MAGI2: variants seen among roughly 807,000 people sequenced by gnomAD.
MAGI2 encodes the protein membrane associated guanylate kinase, WW and PDZ domain containing 2, also known as membrane-associated guanylate kinase, WW and PDZ domain-containing protein 2.
In MAGI2, 35 loss-of-function variants were observed where a neutral mutation model predicts 133.3. That is an observed-to-expected ratio of 0.26 (90% CI 0.20 to 0.35). The LOEUF is 0.35. Ranked by LOEUF, MAGI2 falls within the 10% of genes least tolerant of loss-of-function variation. The pLI, the probability that MAGI2 is intolerant of heterozygous loss-of-function variation, is 1.00. For missense variants in MAGI2, 1,636 were observed against 1,863.4 expected (o/e 0.88, Z 2.25); for synonymous variants, 729 against 710.6 (o/e 1.03, Z -0.41).
intron 10 of MAGI2, among the ~76,000 whole-genome samples, chr7:78,239,002 C>T (rs1245712857): frequency 1.3e-5 from 2 of 152,086 alleles, no homozygotes; most frequent in Non-Finnish European, 2.9e-5. Context: ...GCATCAAGCA[C>T]AGCCCTGCCT....
intron 1 of MAGI2, among the ~76,000 whole-genome samples, chr7:79,439,894 G>A (rs117805969): frequency 1.3e-5 from 2 of 152,160 alleles, no homozygotes; most frequent in Non-Finnish European, 2.9e-5. Context: ...TTGAGGAGTG[G>A]TATGCATACA....
intron 1 of MAGI2, among the ~76,000 whole-genome samples, chr7:79,352,036 G>T (rs1054103024): frequency 2.6e-5 from 4 of 151,950 alleles, no homozygotes; most frequent in Non-Finnish European, 5.9e-5. Flanking sequence ...TACTTTTCCC[G>T]TAGCACTAGA....
chr7:78,163,547 T>C (rs932610455), intron 15 of MAGI2, among the ~76,000 whole-genome samples: 1 of 152,206 alleles, frequency 6.6e-6, no homozygotes, highest in African/African-American at 2.4e-5. Context: ...TCAGTGACAA[T>C]GCCTGCCAGG....
chr7:79,439,454 T>C (rs1328915290), intron 1 of MAGI2, among the ~76,000 whole-genome samples: 1 of 152,044 alleles, frequency 6.6e-6, no homozygotes, highest in African/African-American at 2.4e-5. Context: ...AGATCCACAC[T>C]CTCTATATTA....
At chr7:79,007,746 A>T (rs1807598312) in intron 1 of MAGI2, among the ~76,000 whole-genome samples, 2 of 152,134 alleles carry the variant, frequency 1.3e-5, no homozygotes, top group African/African-American at 4.8e-5. Flanking sequence ...AGATTTAGTT[A>T]AGTAGGATGG....
At chr7:78,087,857 G>T (rs559822711) in intron 20 of MAGI2, among the ~76,000 whole-genome samples, 2 of 152,202 alleles carry the variant, frequency 1.3e-5, no homozygotes, top group African/African-American at 2.4e-5. Context: ...AGACAAGCTG[G>T]TTGGAGCAAA....
At chr7:78,686,796 A>G (rs763931251) in intron 2 of MAGI2, among the ~76,000 whole-genome samples, 9 of 152,180 alleles carry the variant, frequency 5.9e-5, no homozygotes, top group Non-Finnish European at 1.3e-4. Context: ...GTAAGTCTAG[A>G]AGGCAGAAGA....
chr7:78,761,221 C>T (rs564170939), intron 2 of MAGI2, among the ~76,000 whole-genome samples: 4 of 152,276 alleles, frequency 2.6e-5, no homozygotes, highest in South Asian at 2.1e-4. Flanking sequence ...TTGTAGTAAG[C>T]GTCATTTCCC....
Position 78,730,401 on chromosome 7 carries a change from T to C in MAGI2, c.419-103162A>G, listed in dbSNP as rs372444813. 1.9e-4 allele frequency among the ~76,000 whole-genome samples: 18 copies of C among 95,652 alleles called. No individual in the cohort carries two copies. In the South Asian group the frequency reaches 7.0e-3, roughly 37 times the overall value. The allele number at this position is 95,652 out of a possible 152,430, so 62.8% of individuals were successfully genotyped here. A position where few individuals can be genotyped will look rare whatever the true frequency, so the allele number is the denominator to read the frequency against. On this transcript the variant is annotated intron_variant, in intron 2 of 21. Coordinates refer to ENST00000354212, the MANE Select transcript of MAGI2 (RefSeq NM_012301.4). ...CCTAAGTACCTTTCTTCCAAGCCAC[T>C]AATACTAAGCCAAAAAAAAAAAAAA...
At chr7:78,559,171 AAAAAGAAAAGAAAAG>A (rs56343412) in intron 3 of MAGI2, among the ~76,000 whole-genome samples, 6 of 107,556 alleles carry the variant, frequency 5.6e-5, no homozygotes, top group Admixed American at 1.2e-4. Flanking sequence ...AAAAAAAGCC[AAAAAGAAAAGAAAAG>A]AAAAGAAAAG....
In MAGI2 at chr7:78,661,594, A is replaced by G. The variant is rs370678552; in HGVS notation, c.419-34355T>C. 3.9e-5 allele frequency among the ~76,000 whole-genome samples: 6 copies of G among 151,972 alleles called. No individual in the cohort carries two copies. In the East Asian group the frequency reaches 1.2e-3, roughly 29 times the overall value. ...CTTTCGACTTTGATTCTTTCTACCC[A>G]TTCTCTCTCCTCTAGGGCTCTGTCA... On this transcript the variant is annotated intron_variant, in intron 2 of 21. Transcript: ENST00000354212.
At chr7:78,050,794 A>C (rs1811927285) in intron 21 of MAGI2, among the ~76,000 whole-genome samples, 1 of 152,186 alleles carries the variant, frequency 6.6e-6, no homozygotes, top group East Asian at 1.9e-4. Flanking sequence ...TTTTATGAGG[A>C]CTTTCTTAAT....
intron 1 of MAGI2, chr7:79,412,919 AT>A (rs1846242119): frequency 6.6e-6 from 1 of 152,290 alleles, no homozygotes; most frequent in Non-Finnish European, 1.5e-5. Context: ...ACATGTTCAC[AT>A]CTTATCAAAT....
At position 78,423,719 on chromosome 7, in the gene MAGI2, A is replaced by T. The variant is rs192304283; in HGVS notation, c.1046-54506T>A. On this transcript the variant is annotated intron_variant, in intron 6 of 21. Coordinates refer to ENST00000354212, the MANE Select transcript of MAGI2 (RefSeq NM_012301.4). ...AGGAACTTGTTGGGAACTGGAGAGT[A>T]AAGATGACTCTTGTTATGTTTTACC... Among the ~76,000 whole-genome samples, 700 of 152,290 alleles carry T rather than the reference A, an allele frequency of 4.6e-3. 14 individuals carry two copies. The highest frequency in any genetic ancestry group is 9.0e-3 in the African/African-American group (374 of 41,562).
At chr7:78,174,241 C>T (rs1480541586) in intron 14 of MAGI2, among the ~76,000 whole-genome samples, 2 of 152,120 alleles carry the variant, frequency 1.3e-5, no homozygotes, top group Non-Finnish European at 2.9e-5. Flanking sequence ...ACAGTCCTTG[C>T]CTTCGAGGAG....
chr7:78,864,589 C>A (rs1020227558), intron 2 of MAGI2, among the ~76,000 whole-genome samples: 2 of 152,182 alleles, frequency 1.3e-5, no homozygotes, highest in African/African-American at 4.8e-5. Context: ...TCCTTGTCTG[C>A]ATTCCATTTT....
intron 14 of MAGI2, among the ~76,000 whole-genome samples, chr7:78,176,055 C>G (rs1826566966): frequency 2.0e-5 from 3 of 152,108 alleles, no homozygotes; most frequent in Admixed American, 2.0e-4. Context: ...GGCAGGGAGG[C>G]TGGAGGGCTG....
chr7:78,616,365 A>C (rs1807089887), intron 3 of MAGI2: 1 of 152,204 alleles, frequency 6.6e-6, no homozygotes. Context: ...GAGAACATGA[A>C]AAAAGACAGA....
chr7:78,873,590 A>C lies in MAGI2; in HGVS notation c.418+133500T>G, dbSNP rs533586483. On this transcript the variant is annotated intron_variant, in intron 2 of 21. Coordinates refer to ENST00000354212, the MANE Select transcript of MAGI2 (RefSeq NM_012301.4). ...AGCTCAGGACTCCCACTGATTCTAC[A>C]TTATGGTTGGTTGTATAATTATTTC... Among the ~76,000 whole-genome samples, 323 of 152,198 alleles carry C rather than the reference A, an allele frequency of 2.1e-3. 3 individuals are homozygous for C. Among genetic ancestry groups the C allele is most frequent in the African/African-American group, 7.5e-3 (310 of 41,510 alleles).
Sources: gnomAD v4.1 joint callset for allele counts (sites outside exome capture counted in the v4.1 genomes callset) on GRCh38, gnomAD v4.1.1 for gene constraint, MANE v1.5 for transcripts, NCBI Gene and HGNC (gene_info 2026-07-23, HGNC 2026-07-21) for gene names.